SUSD4: variants seen among roughly 807,000 people sequenced by gnomAD.
SUSD4 encodes sushi domain-containing protein 4.
In SUSD4, 41 loss-of-function variants were observed where a neutral mutation model predicts 50.5. The ratio of observed to expected loss-of-function variants is 0.81; its 90% confidence interval spans 0.63 to 1.05. The LOEUF is 1.05. Ranked by LOEUF, SUSD4 falls within the 50% of genes least tolerant of loss-of-function variation. SUSD4 has a pLI of 0.00. For missense variants in SUSD4, 580 were observed against 634.7 expected, an observed-to-expected ratio of 0.91 and a Z score of 0.93; for synonymous variants, 257 against 257.3, an observed-to-expected ratio of 1.00 and a Z score of 0.01.
intron 4 of SUSD4, among the ~76,000 whole-genome samples, chr1:223,267,581 G>A (rs967738756): frequency 4.6e-5 from 7 of 152,114 alleles, no homozygotes; most frequent in African/African-American, 1.4e-4. Context: ...GTGATGGTCC[G>A]GGCTGCTTTC....
At chr1:223,243,360 G>A (rs1486877523) in intron 5 of SUSD4, among the ~76,000 whole-genome samples, 1 of 152,178 alleles carries the variant, frequency 6.6e-6, no homozygotes, top group East Asian at 1.9e-4. Flanking sequence ...GGGCTTCCTG[G>A]GGACACAGTC....
At chr1:223,344,804 T>C (rs825131) in intron 2 of SUSD4, among the ~76,000 whole-genome samples, 73,089 of 152,002 alleles carry the variant, frequency 0.48, 17,559 homozygotes, top group East Asian at 0.54. Context: ...ACGTGGAGGG[T>C]AGGCAGATTG....
chr1:223,250,259 G>A (rs911683024), intron 5 of SUSD4, among the ~76,000 whole-genome samples: 1 of 152,152 alleles, frequency 6.6e-6, no homozygotes, highest in Non-Finnish European at 1.5e-5. Flanking sequence ...AGCACAAAGT[G>A]CCTGGCACAA....
chr1:223,244,161 C>T (rs147459690), intron 5 of SUSD4, among the ~76,000 whole-genome samples: 94 of 152,308 alleles, frequency 6.2e-4, no homozygotes, highest in East Asian at 2.1e-3. Flanking sequence ...CATCTCCCAC[C>T]GGGGTTTGGA....
At chr1:223,260,630 C>T (rs1311960903) in intron 5 of SUSD4, among the ~76,000 whole-genome samples, 1 of 152,212 alleles carries the variant, frequency 6.6e-6, no homozygotes, top group Non-Finnish European at 1.5e-5. Flanking sequence ...CAATTTTATA[C>T]AGTCATTGAT....
chr1:223,252,797 A>G (rs1661424518), intron 5 of SUSD4, among the ~76,000 whole-genome samples: 1 of 152,042 alleles, frequency 6.6e-6, no homozygotes, highest in South Asian at 2.1e-4. Context: ...AATGGAGAAG[A>G]CGGGGTCAGA....
chr1:223,281,406 A>T (rs532864363), intron 3 of SUSD4, among the ~76,000 whole-genome samples: 3 of 152,340 alleles, frequency 2.0e-5, no homozygotes, highest in African/African-American at 7.2e-5. Flanking sequence ...TAAAGGGGAT[A>T]TCACCACCAA....
chr1:223,269,048 GACAGA>G (rs1339994383), intron 3 of SUSD4, among the ~76,000 whole-genome samples: 1 of 152,206 alleles, frequency 6.6e-6, no homozygotes, highest in East Asian at 1.9e-4. Flanking sequence ...TGTGTTTGTG[GACAGA>G]ACAGAACACA....
At chr1:223,267,701 T>C (rs919894732) in intron 4 of SUSD4, among the ~76,000 whole-genome samples, 2 of 152,060 alleles carry the variant, frequency 1.3e-5, no homozygotes, top group East Asian at 1.9e-4. Flanking sequence ...AATATCAGAG[T>C]ATGCCAGCTG....
rs777140195 is a variant in SUSD4 at position 223,347,938 on chromosome 1, G to A, written c.148+15340C>T. Among the ~76,000 whole-genome samples, 83 of 152,160 alleles carry A rather than the reference G, an allele frequency of 5.5e-4. 5 individuals carry two copies. The highest frequency in any genetic ancestry group is 2.8e-4 in the Non-Finnish European group (19 of 68,008). ...GTCCCAGCTCTGCCACTAACCAGTT[G>A]TGAAACCAGCACCTCACTCTACTTT... On this transcript the variant is annotated intron_variant, in intron 2 of 8. Coordinates refer to ENST00000366878, the MANE Select transcript of SUSD4 (RefSeq NM_017982.4).
chr1:223,310,892 T>G (rs1420383182), intron 2 of SUSD4, among the ~76,000 whole-genome samples: 1 of 152,222 alleles, frequency 6.6e-6, no homozygotes. Flanking sequence ...TAGCTGTGTT[T>G]TGGTGGGTAT....
chr1:223,298,778 C>A (rs901708366), intron 2 of SUSD4, among the ~76,000 whole-genome samples: 1 of 152,226 alleles, frequency 6.6e-6, no homozygotes, highest in African/African-American at 2.4e-5. Flanking sequence ...GTGAGAGCTG[C>A]ACAATTTCCT....
chr1:223,257,201 T>G (rs945040037), intron 5 of SUSD4, among the ~76,000 whole-genome samples: 2 of 152,162 alleles, frequency 1.3e-5, no homozygotes, highest in Non-Finnish European at 2.9e-5. Context: ...TATTTGTCCC[T>G]GTTCAAGAAT....
intron 2 of SUSD4, among the ~76,000 whole-genome samples, chr1:223,335,938 T>C (rs1270472310): frequency 6.6e-6 from 1 of 152,120 alleles, no homozygotes; most frequent in Admixed American, 6.5e-5. Context: ...GAATTCATTA[T>C]ACTGTAGAAA....
intron 1 of SUSD4, 166 bp downstream of exon 1, chr1:223,363,891 G>A (rs1669157738): frequency 6.5e-6 from 1 of 153,642 alleles, no homozygotes; most frequent in Non-Finnish European, 1.4e-5. Context: ...TTTTCCTCGG[G>A]ATTGGGATCG....
rs547019454 is a variant in SUSD4 at position 223,357,844 on chromosome 1, T to C, written c.148+5434A>G. Among the ~76,000 whole-genome samples the C allele has an allele frequency of 9.9e-4, 151 of 152,346 alleles. 1 individual carries two copies. The highest frequency in any genetic ancestry group is 3.2e-3 in the African/African-American group (133 of 41,588). On this transcript the variant is annotated intron_variant, in intron 2 of 8. Transcript: ENST00000366878. ...ATCCATCAGTCCTAGATACTGTGAT[T>C]GGTTTTGGTGAAGCAGGACCATATT...
At chr1:223,225,415 T>C (rs530213038) in intron 7 of SUSD4, among the ~76,000 whole-genome samples, 2 of 152,172 alleles carry the variant, frequency 1.3e-5, no homozygotes, top group South Asian at 4.2e-4. Flanking sequence ...GAGATTATGG[T>C]GGTGGACTCC....
chr1:223,222,797 G>T (rs1347699554), intron 8 of SUSD4, among the ~76,000 whole-genome samples: 2 of 152,132 alleles, frequency 1.3e-5, no homozygotes, highest in East Asian at 3.9e-4. Flanking sequence ...GAACTCTGGG[G>T]CTAGAACACA....
intron 2 of SUSD4, among the ~76,000 whole-genome samples, chr1:223,314,200 G>A (rs1405698597): frequency 1.7e-4 from 26 of 152,078 alleles, no homozygotes; most frequent in Admixed American, 1.7e-3. Flanking sequence ...GTGACTTTAT[G>A]CCTGTTACTA....
Sources: gnomAD v4.1 joint callset for allele counts (sites outside exome capture counted in the v4.1 genomes callset) on GRCh38, gnomAD v4.1.1 for gene constraint, MANE v1.5 for transcripts, NCBI Gene and HGNC (gene_info 2026-07-23, HGNC 2026-07-21) for gene names.